Variants in PRPSAP2 observed in about 807,000 individuals in gnomAD.
The protein encoded by PRPSAP2 is phosphoribosyl pyrophosphate synthase-associated protein 2.
Under a neutral mutation model 40.6 loss-of-function variants are expected in PRPSAP2, and 24 were observed. The observed-to-expected ratio is 0.59, with a 90% CI of 0.43 to 0.83. The LOEUF (loss-of-function observed/expected upper bound fraction) is 0.83, where lower values mean the gene tolerates loss of function less well. Among genes scored for constraint, PRPSAP2 ranks in the 40% least tolerant of loss-of-function variants. The pLI, the probability that PRPSAP2 is intolerant of heterozygous loss-of-function variation, is 0.00. For synonymous variants in PRPSAP2, 149 were observed against 164.7 expected (o/e 0.90, Z 0.73); for missense variants, 292 against 465.6 (o/e 0.63, Z 3.43).
intron 4 of PRPSAP2, among the ~76,000 whole-genome samples, chr17:18,869,753 A>G (rs1028905088): frequency 1.4e-5 from 2 of 146,556 alleles, no homozygotes; most frequent in African/African-American, 5.1e-5. Flanking sequence ...ATCATACCAC[A>G]TTTCTTTTGT....
At chr17:18,881,753 C>G (rs898374653) in intron 6 of PRPSAP2, among the ~76,000 whole-genome samples, 1 of 151,872 alleles carries the variant, frequency 6.6e-6, no homozygotes, top group African/African-American at 2.4e-5. Context: ...AGGCTGATCT[C>G]AAACTCCTGA....
intron 8 of PRPSAP2, among the ~76,000 whole-genome samples, chr17:18,906,912 A>G (rs932692934): frequency 2.0e-5 from 3 of 152,110 alleles, no homozygotes; most frequent in South Asian, 2.1e-4. Context: ...TGTAGTGCAT[A>G]TAGGAAACCA....
At chr17:18,868,489 A>G (rs1482295937) in intron 4 of PRPSAP2, among the ~76,000 whole-genome samples, 2 of 151,958 alleles carry the variant, frequency 1.3e-5, no homozygotes, top group African/African-American at 2.4e-5. Flanking sequence ...AGGGGAAAAA[A>G]AAAAAAAAAG....
At chr17:18,929,392 G>A (rs982617859) in intron 11 of PRPSAP2, among the ~76,000 whole-genome samples, 1 of 115,122 alleles carries the variant, frequency 8.7e-6, no homozygotes, top group African/African-American at 3.5e-5. Flanking sequence ...TAATAATAAT[G>A]TGTACAACTC....
At chr17:18,888,998 T>C (rs2039366525) in intron 7 of PRPSAP2, among the ~76,000 whole-genome samples, 2 of 152,230 alleles carry the variant, frequency 1.3e-5, no homozygotes, top group South Asian at 4.1e-4. Flanking sequence ...GGTTTGGTAA[T>C]GTTTGATGAT....
upstream of PRPSAP2, among the ~76,000 whole-genome samples, chr17:18,857,557 G>T (rs1398674302): frequency 6.7e-6 from 1 of 149,674 alleles, no homozygotes; most frequent in Non-Finnish European, 1.5e-5. Flanking sequence ...GGGATTACAG[G>T]CGCGCACCAC....
At chr17:18,890,555 A>AC (rs1223827356) in intron 8 of PRPSAP2, among the ~76,000 whole-genome samples, 2 of 151,020 alleles carry the variant, frequency 1.3e-5, no homozygotes, top group African/African-American at 4.9e-5. Flanking sequence ...CGATCCACCC[A>AC]CCCGCCTTAC....
chr17:18,887,256 G>A (rs755313202), intron 7 of PRPSAP2, among the ~76,000 whole-genome samples: 2 of 150,836 alleles, frequency 1.3e-5, no homozygotes, highest in Non-Finnish European at 3.0e-5. Context: ...TCATTTTAAT[G>A]AAAAATTTTA....
At chr17:18,866,075 CT>C (rs1296524566) in intron 3 of PRPSAP2, 123 bp downstream of exon 3, 5 of 658,262 alleles carry the variant, frequency 7.6e-6, no homozygotes, top group Non-Finnish European at 1.0e-5. Flanking sequence ...ATAATTATAT[CT>C]TTTTTTCATC....
intron 11 of PRPSAP2, among the ~76,000 whole-genome samples, chr17:18,930,186 C>T (rs1194188341): frequency 2.0e-5 from 3 of 152,106 alleles, no homozygotes; most frequent in South Asian, 2.1e-4. Flanking sequence ...TCCTGGCTAA[C>T]GCGGTGAAAC....
intron 7 of PRPSAP2, among the ~76,000 whole-genome samples, chr17:18,887,490 A>T (rs1450626143): frequency 1.3e-5 from 2 of 151,954 alleles, no homozygotes; most frequent in African/African-American, 4.8e-5. Context: ...TGGCCTCCCA[A>T]AGTGCTGGGA....
chr17:18,909,434 CG>C, intron 8 of PRPSAP2, among the ~76,000 whole-genome samples: 1 of 151,774 alleles, frequency 6.6e-6, no homozygotes, highest in South Asian at 2.1e-4. Context: ...TTAGTAGAGA[CG>C]GGGTTTCACC....
At chr17:18,892,339 G>A (rs575651269) in intron 8 of PRPSAP2, among the ~76,000 whole-genome samples, 1 of 151,860 alleles carries the variant, frequency 6.6e-6, no homozygotes, top group Non-Finnish European at 1.5e-5. Flanking sequence ...CTTTCTTGTG[G>A]ATATATATTA....
At chr17:18,894,343 G>A (rs2039775775) in intron 8 of PRPSAP2, among the ~76,000 whole-genome samples, 1 of 152,102 alleles carries the variant, frequency 6.6e-6, no homozygotes, top group African/African-American at 2.4e-5. Context: ...ATTTTTAGTA[G>A]AGATGGGGTT....
At chr17:18,926,423 C>T (rs1429634474) in intron 10 of PRPSAP2, among the ~76,000 whole-genome samples, 6 of 151,884 alleles carry the variant, frequency 4.0e-5, no homozygotes, top group Non-Finnish European at 5.9e-5. Flanking sequence ...CACGCCACCA[C>T]GTCCGGCTAA....
intron 7 of PRPSAP2, 33 bp from the exon 8 acceptor site, chr17:18,889,789 A>G: frequency 6.5e-7 from 1 of 1,540,894 alleles, no homozygotes; most frequent in Non-Finnish European, 8.8e-7. Flanking sequence ...TTTTGTTGAC[A>G]TGCAGTAATA....
In PRPSAP2 at chr17:18,889,813, C is replaced by T. The variant is rs760337265; in HGVS notation, c.529-9C>T. 6.2e-7 allele frequency: 1 copy of T among 1,604,940 alleles called. No homozygotes were observed. Among genetic ancestry groups the T allele is most frequent in the South Asian group, 1.1e-5 (1 of 88,942 alleles). ...CATGCAGTAATACCTGACTTCTTGTCTGTCACAGATCCCAGATTACAGGAA... is the reference window on the plus strand; with the variant it reads ...CATGCAGTAATACCTGACTTCTTGTTTGTCACAGATCCCAGATTACAGGAA... On this transcript the variant is annotated splice_polypyrimidine_tract_variant and intron_variant, in intron 7 of 11. Transcript: ENST00000268835.
chr17:18,873,089 G>A (rs961485989), intron 5 of PRPSAP2, among the ~76,000 whole-genome samples: 5 of 151,686 alleles, frequency 3.3e-5, no homozygotes, highest in Non-Finnish European at 7.4e-5. Flanking sequence ...CAATCTGCCC[G>A]CCTCGGCCTA....
upstream of PRPSAP2, among the ~76,000 whole-genome samples, chr17:18,856,983 A>C (rs550038078): frequency 2.0e-5 from 3 of 152,320 alleles, no homozygotes; most frequent in South Asian, 6.2e-4. Flanking sequence ...AATGGATACC[A>C]AAAGTACTAA....
Sources: gnomAD v4.1 joint callset for allele counts (sites outside exome capture counted in the v4.1 genomes callset) on GRCh38, gnomAD v4.1.1 for gene constraint, MANE v1.5 for transcripts, NCBI Gene and HGNC (gene_info 2026-07-23, HGNC 2026-07-21) for gene names.